The following USP54 variants were observed in gnomAD, a reference collection of about 807,000 sequenced individuals.
The protein encoded by USP54 is ubiquitin carboxyl-terminal hydrolase 54.
A neutral mutation model predicts 170.5 loss-of-function variants in USP54; 87 were observed. The observed-to-expected ratio is 0.51, with a 90% confidence interval of 0.43 to 0.61. USP54 has a LOEUF of 0.61. USP54 is among the 20% of genes least tolerant of loss of function. The probability of loss-of-function intolerance (pLI) is 0.00; values close to 1 mark genes in which losing one functional copy is unlikely to be tolerated. For synonymous variants in USP54, 655 were observed against 742.8 expected (o/e 0.88, Z 1.92); for missense variants, 1,786 against 2,047.8 (o/e 0.87, Z 2.47).
chr10:73,557,698 C>G (rs1016057106), intron 4 of USP54, among the ~76,000 whole-genome samples: 3 of 151,382 alleles, frequency 2.0e-5, no homozygotes, highest in African/African-American at 7.3e-5. Context: ...GTTGGCCAGG[C>G]TGGTCTCAAA....
Position 73,516,448 on chromosome 10 carries a change from A to G in USP54, c.3978T>C (p.Ser1326=), listed in dbSNP as rs2061105494. 6.2e-7 allele frequency: 1 copy of G among 1,613,712 alleles called. No homozygotes were observed. The highest frequency in any genetic ancestry group is 8.5e-7 in the Non-Finnish European group (1 of 1,179,998). ...AACAGCCAGCTTGAGAAGCCTGAAGACTGGCCTGATACAGAGACTCCAATT... is the reference window on the plus strand; with the variant it reads ...AACAGCCAGCTTGAGAAGCCTGAAGGCTGGCCTGATACAGAGACTCCAATT... ...TSELESLYQA[S]LQASQAGCSG... Residue 1326 remains serine, a synonymous_variant, in exon 20 of 24, where the codon AGT becomes AGC. Transcript: ENST00000687698.
Position 73,517,315 on chromosome 10 carries a change from C to G in USP54, c.3111G>C (p.Pro1037=). 1 of 1,612,484 alleles carries G rather than the reference C, an allele frequency of 6.2e-7. No homozygotes were observed. ...QEKKDPANPS[P]VMPGIATSER... Reference sequence around the variant, plus strand: ...CAGAGGTGGCTATTCCAGGCATCACCGGGGAGGGGTTAGCAGGATCCTTCT... The same window carrying G: ...CAGAGGTGGCTATTCCAGGCATCACGGGGGAGGGGTTAGCAGGATCCTTCT... The change falls in exon 20 of 24, where the codon CCG becomes CCC. Residue 1037 remains proline, a synonymous_variant. Transcript: ENST00000687698.
intron 1 of USP54, among the ~76,000 whole-genome samples, chr10:73,589,372 C>A (rs1031556408): frequency 2.6e-5 from 4 of 152,126 alleles, no homozygotes; most frequent in Non-Finnish European, 5.9e-5. Context: ...TCTTTCTAAA[C>A]CCTACTGCCA....
At chr10:73,526,858 C>CAAA in intron 15 of USP54, 78 bp from the exon 16 acceptor site, 8 of 1,120,148 alleles carry the variant, frequency 7.1e-6, no homozygotes, top group South Asian at 1.9e-5. Context: ...ATCTCTCTCT[C>CAAA]AAAAAAAAAA....
intron 19 of USP54, chr10:73,518,296 T>C (rs1476899748): frequency 1.1e-6 from 1 of 947,112 alleles, no homozygotes; most frequent in Non-Finnish European, 1.3e-6. Flanking sequence ...ATTTCAAATA[T>C]GTTTTTATAA....
chr10:73,517,780 G>A (rs371380004), intron 19 of USP54, 33 bp from the exon 20 acceptor site: 30 of 1,570,254 alleles, frequency 1.9e-5, no homozygotes, highest in Non-Finnish European at 2.5e-5. Flanking sequence ...GTCATAAGCT[G>A]CCTTGACTGA....
At chr10:73,569,806 G>A (rs1339968247) in intron 4 of USP54, among the ~76,000 whole-genome samples, 2 of 141,784 alleles carry the variant, frequency 1.4e-5, no homozygotes, top group African/African-American at 5.3e-5. Context: ...AAACTCCAAA[G>A]TGAGTTGGGT....
At chr10:73,594,597 G>T (rs1321532100), upstream of USP54, among the ~76,000 whole-genome samples, 2 of 140,172 alleles carry the variant, frequency 1.4e-5, no homozygotes, top group Non-Finnish European at 3.1e-5. Flanking sequence ...TGGAGACAGG[G>T]TCTTAGTATG....
At chr10:73,582,243 C>T (rs565796781) in intron 1 of USP54, among the ~76,000 whole-genome samples, 55 of 152,206 alleles carry the variant, frequency 3.6e-4, no homozygotes, top group African/African-American at 1.3e-3. Flanking sequence ...CAGAGAGCTA[C>T]AGGTTATTAG....
intron 1 of USP54, among the ~76,000 whole-genome samples, chr10:73,608,170 G>C (rs1237478103): frequency 1.3e-5 from 2 of 151,938 alleles, no homozygotes; most frequent in East Asian, 3.9e-4. Context: ...TGAGACAAAA[G>C]AATTGCTTGA....
At chr10:73,511,286 G>A (rs898962192) in intron 20 of USP54, among the ~76,000 whole-genome samples, 2 of 151,612 alleles carry the variant, frequency 1.3e-5, no homozygotes, top group African/African-American at 4.8e-5. Flanking sequence ...CCATTGTATT[G>A]TACACTTTAA....
intron 1 of USP54, among the ~76,000 whole-genome samples, chr10:73,615,664 T>C (rs2080563954): frequency 6.7e-6 from 1 of 150,342 alleles, no homozygotes; most frequent in Non-Finnish European, 1.5e-5. Flanking sequence ...CTCACACCTG[T>C]AATCCCAGCA....
At chr10:73,618,573 C>CT (rs2080835072) in intron 1 of USP54, among the ~76,000 whole-genome samples, 1 of 148,784 alleles carries the variant, frequency 6.7e-6, no homozygotes, top group African/African-American at 2.6e-5. Context: ...GTGAAACCCC[C>CT]TCTCTACTAA....
At chr10:73,621,308 C>A (rs1342858798) in intron 1 of USP54, among the ~76,000 whole-genome samples, 1 of 148,836 alleles carries the variant, frequency 6.7e-6, no homozygotes, top group Non-Finnish European at 1.5e-5. Context: ...TATAAAAAAA[C>A]TACAGTATGA....
At chr10:73,546,886 C>A (rs1440931239) in intron 4 of USP54, among the ~76,000 whole-genome samples, 1 of 152,100 alleles carries the variant, frequency 6.6e-6, no homozygotes, top group Non-Finnish European at 1.5e-5. Flanking sequence ...ATACTTCTAC[C>A]AATATATAGT....
chr10:73,552,069 G>A (rs1026354064), intron 4 of USP54, among the ~76,000 whole-genome samples: 8 of 152,148 alleles, frequency 5.3e-5, no homozygotes, highest in Admixed American at 5.2e-4. Flanking sequence ...ACGGTATGGT[G>A]TAATGGTTAA....
chr10:73,543,445 C>T (rs2067056091), intron 5 of USP54, among the ~76,000 whole-genome samples: 1 of 152,158 alleles, frequency 6.6e-6, no homozygotes, highest in African/African-American at 2.4e-5. Context: ...TGGCTCACTG[C>T]AAGCTCCACC....
intron 4 of USP54, among the ~76,000 whole-genome samples, chr10:73,556,848 G>T (rs1437969524): frequency 6.6e-6 from 1 of 152,000 alleles, no homozygotes; most frequent in Non-Finnish European, 1.5e-5. Flanking sequence ...GATATTACAG[G>T]ATACCTTATA....
intron 10 of USP54, among the ~76,000 whole-genome samples, chr10:73,539,092 A>G (rs1233313948): frequency 2.0e-5 from 3 of 151,948 alleles, no homozygotes; most frequent in Non-Finnish European, 4.4e-5. Context: ...CAGCCTGGCA[A>G]ACATAGTGAA....
Sources: gnomAD v4.1 joint callset for allele counts (sites outside exome capture counted in the v4.1 genomes callset) on GRCh38, gnomAD v4.1.1 for gene constraint, MANE v1.5 for transcripts, NCBI Gene and HGNC (gene_info 2026-07-23, HGNC 2026-07-21) for gene names.